Variants in CDH4 observed in about 807,000 individuals in gnomAD.
The protein encoded by CDH4 is cadherin 4.
A neutral mutation model predicts 86.0 loss-of-function variants in CDH4; 33 were observed. That is an observed-to-expected ratio of 0.38 (90% CI 0.29 to 0.51). The LOEUF (loss-of-function observed/expected upper bound fraction) is 0.51, where lower values mean the gene tolerates loss of function less well. CDH4 is among the 20% of genes least tolerant of loss of function. CDH4 has a pLI of 0.86. For missense variants in CDH4, 1,114 were observed against 1,307.4 expected, an observed-to-expected ratio of 0.85 and a Z score of 2.28; for synonymous variants, 555 against 549.4, an observed-to-expected ratio of 1.01 and a Z score of -0.14.
intron 8 of CDH4, among the ~76,000 whole-genome samples, chr20:61,908,088 G>C (rs879374543): frequency 1.3e-5 from 2 of 152,182 alleles, no homozygotes; most frequent in Non-Finnish European, 2.9e-5. Context: ...GCCCCAGGTC[G>C]AGGAGGCTGA....
chr20:61,335,064 C>T (rs967557763), intron 2 of CDH4, among the ~76,000 whole-genome samples: 2 of 152,166 alleles, frequency 1.3e-5, no homozygotes, highest in African/African-American at 2.4e-5. Context: ...AGACATCCAG[C>T]GAGTCTCTCT....
chr20:61,252,475 G>T lies in CDH4; in HGVS notation c.-39G>T. ...GGCGGCGGCGGCGGCGGCAGGGAGCGGGCTCCCGGTGCCGGGCACCGGGCG... is the reference window on the plus strand; with the variant it reads ...GGCGGCGGCGGCGGCGGCAGGGAGCTGGCTCCCGGTGCCGGGCACCGGGCG... On this transcript the variant is annotated 5_prime_UTR_variant, in exon 1 of 16. Coordinates refer to ENST00000614565, the MANE Select transcript of CDH4 (RefSeq NM_001794.5). This position sits in a 1 kb window ranked among gnomAD's most constrained non-coding sequence, Gnocchi z 4.4. 9.3e-7 allele frequency: 1 copy of T among 1,077,776 alleles called. No homozygotes were observed. The highest frequency in any genetic ancestry group is 1.1e-6 in the Non-Finnish European group (1 of 881,712). 66.8% of individuals were successfully genotyped at this position (1,077,776 alleles called of 1,614,324 possible). A position where few individuals can be genotyped will look rare whatever the true frequency, so the allele number is the denominator to read the frequency against.
At chr20:61,737,502 C>T (rs541526778) in intron 2 of CDH4, among the ~76,000 whole-genome samples, 1 of 152,324 alleles carries the variant, frequency 6.6e-6, no homozygotes, top group African/African-American at 2.4e-5. Flanking sequence ...TGTGACCCCA[C>T]TGCAGCCTGG....
In CDH4 at chr20:61,672,594, T is replaced by C. The variant is rs62197813; in HGVS notation, c.170-70969T>C. Among the ~76,000 whole-genome samples the C allele has an allele frequency of 4.0e-3, 604 of 152,258 alleles. 3 individuals are homozygous for C. Among genetic ancestry groups the C allele is most frequent in the Non-Finnish European group, 6.3e-3 (426 of 68,024 alleles). On this transcript the variant is annotated intron_variant, in intron 2 of 15. Coordinates refer to ENST00000614565, the MANE Select transcript of CDH4 (RefSeq NM_001794.5). ...GAGGTGTGATTCCAATGAGTGAAACTGCCCATAGTCAGGACAACACCTGAG... is the reference window on the plus strand; with the variant it reads ...GAGGTGTGATTCCAATGAGTGAAACCGCCCATAGTCAGGACAACACCTGAG...
intron 7 of CDH4, among the ~76,000 whole-genome samples, chr20:61,889,614 AGAT>A (rs1198835894): frequency 1.9e-4 from 2 of 10,696 alleles, no homozygotes; most frequent in Non-Finnish European, 5.2e-4. Context: ...ATGGGTGGAT[AGAT>A]GATGGATGGA....
chr20:61,556,056 G>T (rs1180463826), intron 2 of CDH4, among the ~76,000 whole-genome samples: 1 of 152,116 alleles, frequency 6.6e-6, no homozygotes, highest in Non-Finnish European at 1.5e-5. Flanking sequence ...GGCTCGCCTT[G>T]GTGTACCCCC....
intron 2 of CDH4, among the ~76,000 whole-genome samples, chr20:61,500,895 G>A (rs187331600): frequency 1.4e-4 from 22 of 152,312 alleles, no homozygotes; most frequent in South Asian, 2.1e-4. Context: ...CCACGCAGCC[G>A]CTCTTGATGT....
In CDH4 at chr20:61,319,403, C is replaced by T. The variant is rs557804135; in HGVS notation, c.169+64466C>T. 7.9e-5 allele frequency among the ~76,000 whole-genome samples: 12 copies of T among 152,182 alleles called. 1 individual carries two copies. In the South Asian group the frequency reaches 2.3e-3, roughly 29 times the overall value. On this transcript the variant is annotated intron_variant, in intron 2 of 15. Transcript: ENST00000614565. ...GGGCTAGATCGCACTGTTAAGAGTG[C>T]ATCACATGTGCAGCCTCATTCATCC...
chr20:61,703,099 C>T lies in CDH4; in HGVS notation c.170-40464C>T, dbSNP rs2087793707. Among the ~76,000 whole-genome samples the T allele has an allele frequency of 1.3e-5, 2 of 152,200 alleles. No homozygotes were observed. The highest frequency in any genetic ancestry group is 2.4e-5 in the African/African-American group (1 of 41,438). ...ATGTCATCCCTCTTGGCTGAATTTA[C>T]ACTCTGGTGGGGCAGGGGGCCACGG... On this transcript the variant is annotated intron_variant, in intron 2 of 15. Coordinates refer to ENST00000614565, the MANE Select transcript of CDH4 (RefSeq NM_001794.5). This position sits in a 1 kb window ranked among gnomAD's most constrained non-coding sequence, Gnocchi z 4.3.
Position 61,686,773 on chromosome 20 carries a change from G to A in CDH4, c.170-56790G>A, listed in dbSNP as rs377295431. Reference sequence around the variant, plus strand: ...TGTGTATATGTGCGTGTGCATTCGCGCGTGTGTGTGTGCATGTGTGCATGT... The same window carrying A: ...TGTGTATATGTGCGTGTGCATTCGCACGTGTGTGTGTGCATGTGTGCATGT... On this transcript the variant is annotated intron_variant, in intron 2 of 15. Coordinates refer to ENST00000614565, the MANE Select transcript of CDH4 (RefSeq NM_001794.5). 1.0e-3 allele frequency among the ~76,000 whole-genome samples: 156 copies of A among 152,040 alleles called. 4 individuals are homozygous for A. The South Asian group carries it at 0.02, about 20-fold the overall frequency.
chr20:61,607,799 A>G (rs1170500748), intron 2 of CDH4, among the ~76,000 whole-genome samples: 1 of 152,192 alleles, frequency 6.6e-6, no homozygotes, highest in Non-Finnish European at 1.5e-5. Context: ...TTTCTGCAGG[A>G]ATAGGAAGCG....
intron 2 of CDH4, among the ~76,000 whole-genome samples, chr20:61,566,545 A>G (rs2086299422): frequency 1.3e-5 from 2 of 152,068 alleles, no homozygotes; most frequent in Non-Finnish European, 2.9e-5. Context: ...CAGGCCCCGC[A>G]CATGGACATG....
intron 2 of CDH4, among the ~76,000 whole-genome samples, chr20:61,257,735 T>C (rs6065080): frequency 0.54 from 81,630 of 152,172 alleles, 23,695 homozygotes; most frequent in Non-Finnish European, 0.64. Flanking sequence ...AGCTGGTATC[T>C]TTTTCTCTGC....
intron 2 of CDH4, among the ~76,000 whole-genome samples, chr20:61,527,607 G>A (rs2085920226): frequency 6.6e-6 from 1 of 152,124 alleles, no homozygotes; most frequent in Admixed American, 6.6e-5. Flanking sequence ...ATGCAGTGAG[G>A]GAGGAGAACC....
intron 2 of CDH4, among the ~76,000 whole-genome samples, chr20:61,578,732 C>T (rs184858798): frequency 2.6e-5 from 4 of 152,250 alleles, no homozygotes; most frequent in East Asian, 3.9e-4. Flanking sequence ...AACAAAACCC[C>T]CAATCCAACT....
chr20:61,841,921 C>A (rs911919748), intron 4 of CDH4, among the ~76,000 whole-genome samples: 1 of 152,190 alleles, frequency 6.6e-6, no homozygotes, highest in Non-Finnish European at 1.5e-5. Flanking sequence ...TTTTCTATTA[C>A]GACATGAGAC....
chr20:61,855,667 C>T (rs1296691104), intron 6 of CDH4, among the ~76,000 whole-genome samples: 1 of 152,254 alleles, frequency 6.6e-6, no homozygotes, highest in Non-Finnish European at 1.5e-5. Context: ...GCGCAATTGG[C>T]TTTGCTCATT....
At chr20:61,839,709 G>A (rs190876479) in intron 4 of CDH4, among the ~76,000 whole-genome samples, 173 of 151,830 alleles carry the variant, frequency 1.1e-3, no homozygotes, top group African/African-American at 3.9e-3. Context: ...GTTTGTTTAT[G>A]CGTTTGTGTA....
intron 2 of CDH4, among the ~76,000 whole-genome samples, chr20:61,722,290 A>C (rs2088051371): frequency 6.6e-6 from 1 of 152,172 alleles, no homozygotes; most frequent in African/African-American, 2.4e-5. Context: ...AGGGCTGCTG[A>C]TGAACAACAG....
Sources: gnomAD v4.1 joint callset for allele counts (sites outside exome capture counted in the v4.1 genomes callset) on GRCh38, gnomAD v4.1.1 for gene constraint, Gnocchi (gnomAD v3.1) non-coding constraint, MANE v1.5 for transcripts, NCBI Gene and HGNC (gene_info 2026-07-23, HGNC 2026-07-21) for gene names.